POU6F2: variants seen among roughly 807,000 people sequenced by gnomAD.
The protein encoded by POU6F2 is POU domain, class 6, transcription factor 2.
POU6F2 carries 31 observed loss-of-function variants against 71.3 expected under a neutral mutation model. The observed-to-expected ratio is 0.43, with a 90% CI of 0.33 to 0.59. The LOEUF (loss-of-function observed/expected upper bound fraction) is 0.59. Ranked by LOEUF, POU6F2 falls within the 20% of genes least tolerant of loss-of-function variation. The probability of loss-of-function intolerance (pLI) is 0.04; values close to 1 mark genes in which losing one functional copy is unlikely to be tolerated. For synonymous variants in POU6F2, 347 were observed against 355.7 expected, an observed-to-expected ratio of 0.98 and a Z score of 0.27; for missense variants, 783 against 856.8, an observed-to-expected ratio of 0.91 and a Z score of 1.07.
At chr7:39,325,997 A>G (rs1354063794) in intron 4 of POU6F2, among the ~76,000 whole-genome samples, 1 of 152,220 alleles carries the variant, frequency 6.6e-6, no homozygotes, top group African/African-American at 2.4e-5. Flanking sequence ...AAGTAAAAAT[A>G]TCCCTGGAAA....
At chr7:39,187,701 G>T (rs945918396) in intron 2 of POU6F2, among the ~76,000 whole-genome samples, 2 of 152,224 alleles carry the variant, frequency 1.3e-5, no homozygotes, top group Non-Finnish European at 2.9e-5. Flanking sequence ...AGATGAACAT[G>T]AATGGAAATG....
At chr7:39,428,128 A>G (rs1788016533) in intron 6 of POU6F2, among the ~76,000 whole-genome samples, 1 of 152,266 alleles carries the variant, frequency 6.6e-6, no homozygotes, top group South Asian at 2.1e-4. Context: ...TAGCTGCTGA[A>G]TTAGTGATAG....
intron 8 of POU6F2, among the ~76,000 whole-genome samples, chr7:39,457,766 ATT>A (rs1265764286): frequency 6.6e-6 from 1 of 152,172 alleles, no homozygotes; most frequent in South Asian, 2.1e-4. Flanking sequence ...TAAAAGTGAT[ATT>A]GTTACATGGA....
At chr7:39,110,927 G>A (rs978660278) in intron 2 of POU6F2, among the ~76,000 whole-genome samples, 1 of 152,110 alleles carries the variant, frequency 6.6e-6, no homozygotes, top group Non-Finnish European at 1.5e-5. Flanking sequence ...ACTATCATTG[G>A]TGATAGAATT....
At chr7:39,342,093 T>C (rs1785931258) in intron 5 of POU6F2, among the ~76,000 whole-genome samples, 1 of 152,238 alleles carries the variant, frequency 6.6e-6, no homozygotes, top group African/African-American at 2.4e-5. Flanking sequence ...CATTTAAATA[T>C]AGAGGAGCTG....
intron 5 of POU6F2, among the ~76,000 whole-genome samples, chr7:39,386,612 A>C (rs1239195855): frequency 6.6e-6 from 1 of 152,228 alleles, no homozygotes; most frequent in Non-Finnish European, 1.5e-5. Context: ...CAGGGACTGG[A>C]CTATGATGGG....
chr7:39,412,771 T>C (rs2115921328), intron 6 of POU6F2, among the ~76,000 whole-genome samples: 1 of 147,164 alleles, frequency 6.8e-6, no homozygotes, highest in South Asian at 2.2e-4. Context: ...AGCTTCAGTT[T>C]TCTTGCCTTT....
intron 2 of POU6F2, among the ~76,000 whole-genome samples, chr7:39,109,601 AT>A (rs1791762823): frequency 6.6e-6 from 1 of 152,118 alleles, no homozygotes; most frequent in African/African-American, 2.4e-5. Flanking sequence ...AGCTTATAAT[AT>A]TTTTATAGGA....
intron 4 of POU6F2, among the ~76,000 whole-genome samples, chr7:39,259,398 C>T (rs532695696): frequency 6.6e-6 from 1 of 152,280 alleles, no homozygotes; most frequent in East Asian, 1.9e-4. Flanking sequence ...AACGACATAA[C>T]TTGTCCTTGA....
At chr7:39,297,196 T>TAC (rs61192418) in intron 4 of POU6F2, among the ~76,000 whole-genome samples, 20,887 of 138,914 alleles carry the variant, frequency 0.15, 1,569 homozygotes, top group East Asian at 0.27. Flanking sequence ...CACATACACA[T>TAC]ACACACACAC....
chr7:39,400,449 C>T (rs962130087), intron 5 of POU6F2, among the ~76,000 whole-genome samples: 2 of 152,220 alleles, frequency 1.3e-5, no homozygotes, highest in African/African-American at 4.8e-5. Context: ...AGGACTCCCT[C>T]AGGCTCCAGG....
chr7:39,253,691 G>A (rs1783967759), intron 4 of POU6F2, among the ~76,000 whole-genome samples: 1 of 152,154 alleles, frequency 6.6e-6, no homozygotes, highest in Non-Finnish European at 1.5e-5. Flanking sequence ...TCGGGTAGAG[G>A]AGGGCACAGA....
At chr7:39,270,922 C>T (rs1237689178) in intron 4 of POU6F2, among the ~76,000 whole-genome samples, 1 of 152,166 alleles carries the variant, frequency 6.6e-6, no homozygotes, top group Non-Finnish European at 1.5e-5. Flanking sequence ...CAGTGTTCTA[C>T]AAGACCCCTT....
chr7:39,179,229 C>T (rs1793387590), intron 2 of POU6F2, among the ~76,000 whole-genome samples: 2 of 152,204 alleles, frequency 1.3e-5, no homozygotes, highest in South Asian at 4.1e-4. Context: ...CTTCATTCTT[C>T]CGGTGAGGTG....
intron 2 of POU6F2, among the ~76,000 whole-genome samples, chr7:39,093,141 T>A (rs1015218387): frequency 7.9e-5 from 12 of 152,112 alleles, no homozygotes; most frequent in Non-Finnish European, 1.6e-4. Context: ...TGATTTTTTT[T>A]AAATTAAAAA....
chr7:39,244,287 G>T (rs1783780755), intron 4 of POU6F2, among the ~76,000 whole-genome samples: 1 of 152,084 alleles, frequency 6.6e-6, no homozygotes, highest in Admixed American at 6.6e-5. Flanking sequence ...ACAGCATTTT[G>T]CCCCCAAACC....
chr7:39,053,366 T>A (rs1562687140), intron 1 of POU6F2, among the ~76,000 whole-genome samples: 1 of 152,228 alleles, frequency 6.6e-6, no homozygotes, highest in East Asian at 1.9e-4. Context: ...TAAAAGAGAA[T>A]CCTGATAATT....
chr7:39,392,585 CAG>C (rs1787094467), intron 5 of POU6F2, among the ~76,000 whole-genome samples: 1 of 152,184 alleles, frequency 6.6e-6, no homozygotes, highest in South Asian at 2.1e-4. Context: ...CAGTGTGTAT[CAG>C]AGGTTTTCGT....
chr7:39,287,495 C>T (rs1432648067), intron 4 of POU6F2, among the ~76,000 whole-genome samples: 1 of 152,196 alleles, frequency 6.6e-6, no homozygotes, highest in African/African-American at 2.4e-5. Flanking sequence ...AAGTCATAGT[C>T]TACCAACCTC....
Sources: allele counts gnomAD v4.1 joint callset (sites outside exome capture counted in the v4.1 genomes callset), GRCh38; gene constraint gnomAD v4.1.1; transcripts MANE v1.5; gene names NCBI Gene and HGNC (gene_info 2026-07-23, HGNC 2026-07-21).